MIPOL1: variants seen among roughly 807,000 people sequenced by gnomAD.
MIPOL1 encodes mirror-image polydactyly gene 1 protein.
A neutral mutation model predicts 60.9 loss-of-function variants in MIPOL1; 57 were observed. The observed-to-expected ratio is 0.94, with a 90% CI of 0.76 to 1.17. MIPOL1 has a LOEUF of 1.17. Among genes scored for constraint, MIPOL1 ranks in the 50% most tolerant of loss-of-function variants. The probability of loss-of-function intolerance (pLI) is 0.00; values close to 1 mark genes in which losing one functional copy is unlikely to be tolerated. For synonymous variants in MIPOL1, 179 were observed against 168.8 expected (o/e 1.06, Z -0.47); for missense variants, 551 against 511.6 (o/e 1.08, Z -0.74).
chr14:37,318,820 T>TTAGTTAG (rs1555393156), intron 9 of MIPOL1, among the ~76,000 whole-genome samples: 64 of 147,308 alleles, frequency 4.3e-4, no homozygotes, highest in South Asian at 3.4e-3. Context: ...TATTTATTTA[T>TTAGTTAG]TTATTTAGTT....
Position 37,394,249 on chromosome 14 carries a change from A to T in MIPOL1, c.936+24625A>T, listed in dbSNP as rs192170961. On this transcript the variant is annotated intron_variant, in intron 10 of 12. Coordinates refer to ENST00000684589, the MANE Select transcript of MIPOL1 (RefSeq NM_001388067.1). ...ATGCGTATACAAGTAAATTTTTCAT[A>T]TAACTTCTTTTTCTCTGCATAGATA... Among the ~76,000 whole-genome samples the T allele has an allele frequency of 1.1e-3, 172 of 151,552 alleles. 1 individual carries two copies. The highest frequency in any genetic ancestry group is 4.1e-3 in the African/African-American group (170 of 41,356).
At chr14:37,254,660 G>T (rs1442739043) in intron 3 of MIPOL1, among the ~76,000 whole-genome samples, 1 of 151,460 alleles carries the variant, frequency 6.6e-6, no homozygotes, top group East Asian at 1.9e-4. Flanking sequence ...TGAGCTAATA[G>T]GATTTCTTCT....
At chr14:37,386,757 G>T (rs2093079576) in intron 10 of MIPOL1, among the ~76,000 whole-genome samples, 1 of 151,888 alleles carries the variant, frequency 6.6e-6, no homozygotes, top group Non-Finnish European at 1.5e-5. Flanking sequence ...AGAATTAAGT[G>T]CTTAGTTAAT....
intron 11 of MIPOL1, among the ~76,000 whole-genome samples, chr14:37,459,053 A>AACCTTGAAGGAGCATACCTC: frequency 6.6e-6 from 1 of 152,140 alleles, no homozygotes; most frequent in East Asian, 1.9e-4. Flanking sequence ...TGTCTACATC[A>AACCTTGAAGGAGCATACCTC]AAAAGATAAA....
intron 12 of MIPOL1, among the ~76,000 whole-genome samples, chr14:37,512,673 G>A (rs1031594152): frequency 1.3e-5 from 2 of 151,760 alleles, no homozygotes; most frequent in Admixed American, 1.3e-4. Context: ...CTTTACCTGT[G>A]ATATTTTTCC....
intron 11 of MIPOL1, among the ~76,000 whole-genome samples, chr14:37,459,906 C>T (rs1874265245): frequency 6.6e-6 from 1 of 151,952 alleles, no homozygotes; most frequent in Non-Finnish European, 1.5e-5. Context: ...GAAACCCTGT[C>T]TCTACTAAAA....
At chr14:37,204,400 C>G (rs530723452) in intron 1 of MIPOL1, among the ~76,000 whole-genome samples, 2 of 152,070 alleles carry the variant, frequency 1.3e-5, no homozygotes, top group African/African-American at 2.4e-5. Flanking sequence ...TGTGTCCCCA[C>G]GCAAATCTCA....
chr14:37,249,820 T>TA (rs201828559), intron 3 of MIPOL1, among the ~76,000 whole-genome samples: 2,582 of 151,132 alleles, frequency 0.017, 32 homozygotes, highest in Middle Eastern at 0.038. Context: ...CAATTGATGT[T>TA]AAAAAAAAAC....
chr14:37,368,795 A>G lies in MIPOL1; in HGVS notation c.829-722A>G, dbSNP rs1024461047. 1.5e-4 allele frequency among the ~76,000 whole-genome samples: 23 copies of G among 152,078 alleles called. 1 individual carries two copies. Among genetic ancestry groups the G allele is most frequent in the African/African-American group, 5.1e-4 (21 of 41,458 alleles). ...TTATATTCAAATGGCAAGATATTTC[A>G]AAAATTTTTTGAACATAGATGCTTC... On this transcript the variant is annotated intron_variant, in intron 9 of 12. Coordinates refer to ENST00000684589, the MANE Select transcript of MIPOL1 (RefSeq NM_001388067.1).
At chr14:37,393,369 A>C (rs2093294545) in intron 10 of MIPOL1, among the ~76,000 whole-genome samples, 1 of 135,400 alleles carries the variant, frequency 7.4e-6, no homozygotes, top group African/African-American at 2.8e-5. Context: ...CTTATTTTCC[A>C]AAAAACTAAG....
chr14:37,203,751 C>T (rs1260519870), intron 1 of MIPOL1, among the ~76,000 whole-genome samples: 1 of 152,142 alleles, frequency 6.6e-6, no homozygotes, highest in Admixed American at 6.5e-5. Flanking sequence ...CAGTAAGGAA[C>T]TGAGGTTCTC....
intron 12 of MIPOL1, among the ~76,000 whole-genome samples, chr14:37,543,332 A>G (rs544158085): frequency 6.6e-6 from 1 of 152,080 alleles, no homozygotes; most frequent in East Asian, 1.9e-4. Context: ...CAGGAGAGCA[A>G]TGGTGTGATC....
At chr14:37,293,829 G>A (rs994464287) in intron 7 of MIPOL1, among the ~76,000 whole-genome samples, 1 of 152,154 alleles carries the variant, frequency 6.6e-6, no homozygotes. Context: ...AACTGGGTGG[G>A]GCCCACCACA....
intron 11 of MIPOL1, among the ~76,000 whole-genome samples, chr14:37,478,524 C>T (rs1303393912): frequency 6.6e-6 from 1 of 151,886 alleles, no homozygotes; most frequent in African/African-American, 2.4e-5. Context: ...ATCAACAAAA[C>T]CACCAGAAAA....
intron 7 of MIPOL1, among the ~76,000 whole-genome samples, chr14:37,288,695 C>T (rs2084795548): frequency 2.0e-5 from 3 of 151,884 alleles, no homozygotes; most frequent in South Asian, 4.2e-4. Flanking sequence ...TCTGTAGTCC[C>T]AGCTACTTTA....
chr14:37,330,388 C>G (rs867677585), intron 9 of MIPOL1, among the ~76,000 whole-genome samples: 16 of 152,178 alleles, frequency 1.1e-4, no homozygotes, highest in Middle Eastern at 3.4e-3. Context: ...GTTAAATATT[C>G]TAAACACCTG....
At chr14:37,511,073 C>T (rs779588351) in intron 12 of MIPOL1, among the ~76,000 whole-genome samples, 48 of 152,104 alleles carry the variant, frequency 3.2e-4, no homozygotes, top group Non-Finnish European at 4.7e-4. Flanking sequence ...AATTTATTTT[C>T]TTCCAGAGTC....
At chr14:37,284,937 T>C (rs2084423017) in intron 6 of MIPOL1, among the ~76,000 whole-genome samples, 1 of 152,248 alleles carries the variant, frequency 6.6e-6, no homozygotes, top group Non-Finnish European at 1.5e-5. Context: ...CTCTAGGCTA[T>C]ATACCAAAGA....
rs531642547 is a variant in MIPOL1, at chr14:37,547,479, C to T, written c.*508C>T. 1.6e-3 allele frequency: 243 copies of T among 152,686 alleles called. No homozygotes were observed. Among genetic ancestry groups the T allele is most frequent in the Non-Finnish European group, 3.1e-3 (211 of 68,106 alleles). 9.5% of individuals were successfully genotyped at this position (152,686 alleles called of 1,614,324 possible). A position where few individuals can be genotyped will look rare whatever the true frequency, so the allele number is the denominator to read the frequency against. Reference sequence around the variant, plus strand: ...ATGAGTGTGTAGTCTTCCTTCAATGCGTGTATGTAATCTTTGTTAGTATAA... The same window carrying T: ...ATGAGTGTGTAGTCTTCCTTCAATGTGTGTATGTAATCTTTGTTAGTATAA... On this transcript the variant is annotated 3_prime_UTR_variant, in exon 13 of 13. Transcript: ENST00000684589.
Sources: allele counts gnomAD v4.1 joint callset (sites outside exome capture counted in the v4.1 genomes callset), GRCh38; gene constraint gnomAD v4.1.1; transcripts MANE v1.5; gene names NCBI Gene and HGNC (gene_info 2026-07-23, HGNC 2026-07-21).